The following CDKAL1 variants were observed in gnomAD, a reference collection of about 807,000 sequenced individuals.
CDKAL1 encodes threonylcarbamoyladenosine tRNA methylthiotransferase.
A neutral mutation model predicts 68.2 loss-of-function variants in CDKAL1; 32 were observed. That is an observed-to-expected ratio of 0.47 (90% CI 0.35 to 0.63). CDKAL1 has a LOEUF of 0.63. CDKAL1 is among the 30% of genes least tolerant of loss of function. The pLI, the probability that CDKAL1 is intolerant of heterozygous loss-of-function variation, is 0.00. For synonymous variants in CDKAL1, 234 were observed against 244.3 expected, an observed-to-expected ratio of 0.96 and a Z score of 0.39; for missense variants, 606 against 696.7, an observed-to-expected ratio of 0.87 and a Z score of 1.47.
At chr6:20,927,155 T>A (rs1763226208) in intron 9 of CDKAL1, among the ~76,000 whole-genome samples, 1 of 152,198 alleles carries the variant, frequency 6.6e-6, no homozygotes, top group African/African-American at 2.4e-5. Flanking sequence ...TCGTAAGCTA[T>A]TCATTGTGTT....
In CDKAL1 at chr6:20,589,668, A is replaced by G. The variant is rs967580006; in HGVS notation, c.286+40963A>G. The stretch of plus-strand genomic sequence containing the variant: ...GGGATTGAATTCAGAAAAAGAACAT[A>G]CTACTAAAAGTACTTTTGTAATTAT... On this transcript the variant is annotated intron_variant, in intron 4 of 15. Coordinates refer to ENST00000274695, the MANE Select transcript of CDKAL1 (RefSeq NM_017774.3). Among the ~76,000 whole-genome samples the G allele has an allele frequency of 2.6e-5, 4 of 152,322 alleles. No homozygotes were observed. The South Asian group carries it at 8.3e-4, about 32-fold the overall frequency.
chr6:20,865,808 A>T (rs937039230), intron 9 of CDKAL1, among the ~76,000 whole-genome samples: 2 of 152,164 alleles, frequency 1.3e-5, no homozygotes, highest in Non-Finnish European at 2.9e-5. Flanking sequence ...ATCCATGAAG[A>T]TACTTTAGGT....
In CDKAL1 at chr6:21,143,872, A is replaced by T. The variant is rs551613101; in HGVS notation, c.1299+35409A>T. Among the ~76,000 whole-genome samples, 96 of 152,226 alleles carry T rather than the reference A, an allele frequency of 6.3e-4. 1 individual carries two copies. The highest frequency in any genetic ancestry group is 4.4e-4 in the Non-Finnish European group (30 of 68,010). ...GCTGCTCTCTGTTGAATACCCGGTGACAGCCTGTCTGGATCGACTCAGGTT... is the reference window on the plus strand; with the variant it reads ...GCTGCTCTCTGTTGAATACCCGGTGTCAGCCTGTCTGGATCGACTCAGGTT... On this transcript the variant is annotated intron_variant, in intron 13 of 15. Coordinates refer to ENST00000274695, the MANE Select transcript of CDKAL1 (RefSeq NM_017774.3).
intron 4 of CDKAL1, among the ~76,000 whole-genome samples, chr6:20,603,158 C>T (rs1766178685): frequency 6.6e-6 from 1 of 152,040 alleles, no homozygotes; most frequent in South Asian, 2.1e-4. Context: ...CCGTGCAGAC[C>T]TCTAGGATTT....
chr6:20,901,239 C>G (rs1761945137), intron 9 of CDKAL1, among the ~76,000 whole-genome samples: 1 of 152,090 alleles, frequency 6.6e-6, no homozygotes, highest in African/African-American at 2.4e-5. Context: ...TTTGCAGAGT[C>G]TGTTTTTTTC....
chr6:21,212,926 T>C (rs372372172), intron 15 of CDKAL1, among the ~76,000 whole-genome samples: 9 of 152,210 alleles, frequency 5.9e-5, no homozygotes, highest in African/African-American at 2.2e-4. Context: ...ACCTAAAAAT[T>C]TAAGATGTAG....
At chr6:20,573,926 G>C (rs930236089) in intron 4 of CDKAL1, among the ~76,000 whole-genome samples, 1 of 152,120 alleles carries the variant, frequency 6.6e-6, no homozygotes, top group Admixed American at 6.5e-5. Context: ...GTGATGGCTG[G>C]CTAGCAAAAT....
At chr6:20,806,188 C>G (rs1243686077) in intron 8 of CDKAL1, among the ~76,000 whole-genome samples, 1 of 152,130 alleles carries the variant, frequency 6.6e-6, no homozygotes, top group African/African-American at 2.4e-5. Flanking sequence ...TCTTTGTATC[C>G]ATATGTACTC....
At chr6:21,100,001 A>G (rs1773504155) in intron 12 of CDKAL1, among the ~76,000 whole-genome samples, 1 of 152,218 alleles carries the variant, frequency 6.6e-6, no homozygotes, top group Non-Finnish European at 1.5e-5. Flanking sequence ...ATGGCAACCT[A>G]CATTTTATCA....
chr6:20,870,156 C>A (rs1177469975), intron 9 of CDKAL1, among the ~76,000 whole-genome samples: 1 of 152,168 alleles, frequency 6.6e-6, no homozygotes, highest in Non-Finnish European at 1.5e-5. Flanking sequence ...TGAATGCTCC[C>A]TGTGATGCCC....
At chr6:20,856,677 G>T (rs372574461) in intron 9 of CDKAL1, among the ~76,000 whole-genome samples, 1 of 152,178 alleles carries the variant, frequency 6.6e-6, no homozygotes, top group Non-Finnish European at 1.5e-5. Flanking sequence ...AGGTACAAGA[G>T]TTAACCAAAT....
At chr6:21,175,688 A>G (rs978163314) in intron 13 of CDKAL1, among the ~76,000 whole-genome samples, 1 of 152,232 alleles carries the variant, frequency 6.6e-6, no homozygotes, top group Non-Finnish European at 1.5e-5. Context: ...TGTTAAAGTT[A>G]CCATCTTAGC....
intron 5 of CDKAL1, among the ~76,000 whole-genome samples, chr6:20,677,951 T>C (rs1316480294): frequency 1.3e-5 from 2 of 152,176 alleles, no homozygotes; most frequent in Non-Finnish European, 2.9e-5. Flanking sequence ...TATTTTTAAT[T>C]TTTCTGCTTT....
At chr6:20,589,591 T>C (rs1346897956) in intron 4 of CDKAL1, among the ~76,000 whole-genome samples, 1 of 152,252 alleles carries the variant, frequency 6.6e-6, no homozygotes, top group Non-Finnish European at 1.5e-5. Context: ...TAGAAAATGA[T>C]TCATTACGTG....
intron 6 of CDKAL1, among the ~76,000 whole-genome samples, chr6:20,743,046 G>A (rs1384701532): frequency 1.3e-5 from 2 of 152,074 alleles, no homozygotes; most frequent in African/African-American, 4.8e-5. Flanking sequence ...CAAATATAGT[G>A]AGTTACAGTG....
rs570299544 is a variant in CDKAL1 at position 20,934,556 on chromosome 6, A to T, written c.743-20863A>T. Among the ~76,000 whole-genome samples, 13 of 152,250 alleles carry T rather than the reference A, an allele frequency of 8.5e-5. No individual in the cohort carries two copies. In the East Asian group the frequency reaches 2.5e-3, roughly 29 times the overall value. On this transcript the variant is annotated intron_variant, in intron 9 of 15. Transcript: ENST00000274695. ...TAAAGTCACTGCATTAACAAAAAAA[A>T]AGTCCTAGGTAGGCATGGTGGTTCA...
At chr6:21,019,071 C>T (rs994980853) in intron 11 of CDKAL1, among the ~76,000 whole-genome samples, 7 of 152,204 alleles carry the variant, frequency 4.6e-5, no homozygotes, top group African/African-American at 1.4e-4. Context: ...GCCCCAGCCT[C>T]CCAAATATCT....
intron 5 of CDKAL1, among the ~76,000 whole-genome samples, chr6:20,732,533 C>G (rs892731565): frequency 1.3e-4 from 20 of 151,488 alleles, no homozygotes; most frequent in Admixed American, 1.3e-3. Context: ...GTGATCTGCC[C>G]GCCTCTGCCT....
intron 8 of CDKAL1, among the ~76,000 whole-genome samples, chr6:20,790,278 A>G (rs10806924): frequency 0.41 from 62,652 of 152,000 alleles, 13,160 homozygotes; most frequent in East Asian, 0.53. Context: ...GAGTGCTTCC[A>G]TGGAAAGTAA....
Sources: allele counts gnomAD v4.1 joint callset (sites outside exome capture counted in the v4.1 genomes callset), GRCh38; gene constraint gnomAD v4.1.1; transcripts MANE v1.5; gene names NCBI Gene and HGNC (gene_info 2026-07-23, HGNC 2026-07-21).